The following IGSF11 variants were observed in gnomAD, a reference collection of about 807,000 sequenced individuals.
The protein encoded by IGSF11 is CXADR like 1.
In IGSF11, 22 loss-of-function variants were observed where a neutral mutation model predicts 41.0. That is an observed-to-expected ratio of 0.54 (90% CI 0.38 to 0.77). IGSF11 has a LOEUF of 0.77. IGSF11 is among the 30% of genes least tolerant of loss of function. The pLI, the probability that IGSF11 is intolerant of heterozygous loss-of-function variation, is 0.00. For missense variants in IGSF11, 444 were observed against 530.8 expected, an observed-to-expected ratio of 0.84 and a Z score of 1.61; for synonymous variants, 219 against 201.3, an observed-to-expected ratio of 1.09 and a Z score of -0.74.
chr3:119,052,159 A>G (rs1400796769), intron 1 of IGSF11, among the ~76,000 whole-genome samples: 3 of 152,124 alleles, frequency 2.0e-5, no homozygotes, highest in African/African-American at 7.2e-5. Flanking sequence ...TGAAACAAAA[A>G]AATGTACAAA....
At chr3:119,058,064 C>T (rs1304389022) in intron 1 of IGSF11, among the ~76,000 whole-genome samples, 1 of 152,158 alleles carries the variant, frequency 6.6e-6, no homozygotes, top group Non-Finnish European at 1.5e-5. Context: ...TATGCTTGGG[C>T]AAGGACTTCA....
intron 1 of IGSF11, among the ~76,000 whole-genome samples, chr3:119,049,606 T>C (rs1576729751): frequency 6.6e-6 from 1 of 151,746 alleles, no homozygotes; most frequent in East Asian, 1.9e-4. Context: ...GCCATCCCCA[T>C]CAAGCTACCA....
chr3:118,942,396 C>T (rs967371895), intron 1 of IGSF11, among the ~76,000 whole-genome samples: 1 of 152,200 alleles, frequency 6.6e-6, no homozygotes, highest in African/African-American at 2.4e-5. Context: ...CAAAGCCATA[C>T]TCTTATGCTG....
chr3:119,142,274 C>CAAAAA (rs11328968), intron 1 of IGSF11, among the ~76,000 whole-genome samples: 23 of 81,722 alleles, frequency 2.8e-4, no homozygotes, highest in Non-Finnish European at 3.9e-4. Flanking sequence ...GACTCCATCT[C>CAAAAA]AAAAAAAAAA....
At chr3:118,922,780 G>A (rs1325346090) in intron 4 of IGSF11, among the ~76,000 whole-genome samples, 2 of 152,134 alleles carry the variant, frequency 1.3e-5, no homozygotes, top group African/African-American at 4.8e-5. Flanking sequence ...AGCAGATTCA[G>A]TGTCTGGTAA....
At chr3:119,024,196 T>G (rs1450080936) in intron 1 of IGSF11, among the ~76,000 whole-genome samples, 2 of 152,170 alleles carry the variant, frequency 1.3e-5, no homozygotes, top group African/African-American at 4.8e-5. Context: ...ATACACATAT[T>G]AATCAACAAG....
chr3:118,946,697 C>T (rs1202199790), intron 1 of IGSF11, among the ~76,000 whole-genome samples: 1 of 152,192 alleles, frequency 6.6e-6, no homozygotes, highest in Non-Finnish European at 1.5e-5. Context: ...GAAAGGGTCA[C>T]CACTAACAAG....
At chr3:118,973,867 C>T (rs377164243) in intron 1 of IGSF11, among the ~76,000 whole-genome samples, 6 of 152,112 alleles carry the variant, frequency 3.9e-5, no homozygotes, top group South Asian at 2.1e-4. Context: ...AACCAAACAC[C>T]GCGTGTTCTC....
At chr3:119,066,700 GTACCACTA>G (rs1457992146) in intron 1 of IGSF11, among the ~76,000 whole-genome samples, 1 of 152,046 alleles carries the variant, frequency 6.6e-6, no homozygotes, top group Non-Finnish European at 1.5e-5. Flanking sequence ...GATTGTCATC[GTACCACTA>G]TACCTGTTTG....
At chr3:119,112,369 A>G (rs2077188553) in intron 1 of IGSF11, among the ~76,000 whole-genome samples, 1 of 152,176 alleles carries the variant, frequency 6.6e-6, no homozygotes, top group South Asian at 2.1e-4. Flanking sequence ...GCAATCAGCG[A>G]GACTCTGTGG....
intron 3 of IGSF11, among the ~76,000 whole-genome samples, chr3:118,927,214 C>A (rs1409572284): frequency 6.6e-6 from 1 of 152,120 alleles, no homozygotes; most frequent in Non-Finnish European, 1.5e-5. Context: ...GTCATTGCCA[C>A]TGTGATGCCA....
At chr3:119,037,621 C>G (rs1940965130), upstream of IGSF11, among the ~76,000 whole-genome samples, 2 of 152,172 alleles carry the variant, frequency 1.3e-5, no homozygotes, top group Non-Finnish European at 2.9e-5. Context: ...ACCTTTGACT[C>G]AAAAACATTG....
chr3:119,039,530 G>A (rs540882943), upstream of IGSF11, among the ~76,000 whole-genome samples: 4 of 152,248 alleles, frequency 2.6e-5, no homozygotes, highest in African/African-American at 4.8e-5. Context: ...TTTGCCATAG[G>A]AGGTAATATA....
In IGSF11 at chr3:119,014,195, C is replaced by T. The variant is rs184309069; in HGVS notation, c.52+20336G>A. Among the ~76,000 whole-genome samples the T allele has an allele frequency of 2.0e-5, 3 of 152,234 alleles. No homozygotes were observed. In the East Asian group the frequency reaches 5.8e-4, roughly 29 times the overall value. ...AGTTAGGATAATCAGGGTGGAAAAG[C>T]CCATCTGTTTGACGTTCACTCCAGC... On this transcript the variant is annotated intron_variant, in intron 1 of 6. Coordinates refer to ENST00000393775, the MANE Select transcript of IGSF11 (RefSeq NM_001015887.3).
At chr3:119,009,736 T>C (rs931676723) in intron 1 of IGSF11, among the ~76,000 whole-genome samples, 3 of 152,186 alleles carry the variant, frequency 2.0e-5, no homozygotes. Flanking sequence ...TTTCGCCTGA[T>C]TATTTTGATT....
At chr3:118,995,257 C>T (rs972128079) in intron 1 of IGSF11, among the ~76,000 whole-genome samples, 1 of 152,144 alleles carries the variant, frequency 6.6e-6, no homozygotes, top group Non-Finnish European at 1.5e-5. Flanking sequence ...TTTTCATGTG[C>T]TTTCAAATGC....
chr3:119,058,566 C>T (rs372788050), intron 1 of IGSF11, among the ~76,000 whole-genome samples: 94 of 152,150 alleles, frequency 6.2e-4, no homozygotes, highest in Middle Eastern at 3.4e-3. Context: ...GTCAGTGTGG[C>T]GATTCCTCAG....
intron 1 of IGSF11, among the ~76,000 whole-genome samples, chr3:119,077,841 C>T (rs1354850390): frequency 1.3e-5 from 2 of 152,090 alleles, no homozygotes; most frequent in East Asian, 3.8e-4. Context: ...TTTGAGGATA[C>T]AAAATCAATG....
chr3:119,142,514 A>G (rs1250337514), intron 1 of IGSF11, among the ~76,000 whole-genome samples: 1 of 152,160 alleles, frequency 6.6e-6, no homozygotes, highest in Non-Finnish European at 1.5e-5. Context: ...ATGTTCAAAG[A>G]GCTAGGGGAA....
Sources: allele counts gnomAD v4.1 joint callset (sites outside exome capture counted in the v4.1 genomes callset), GRCh38; gene constraint gnomAD v4.1.1; transcripts MANE v1.5; gene names NCBI Gene and HGNC (gene_info 2026-07-23, HGNC 2026-07-21).